Variants in TSHZ2 observed in about 807,000 individuals in gnomAD.
The protein encoded by TSHZ2 is teashirt homolog 2.
TSHZ2 carries 21 observed loss-of-function variants against 74.4 expected under a neutral mutation model. The observed-to-expected ratio is 0.28, with a 90% CI of 0.20 to 0.41. The LOEUF is 0.41. TSHZ2 is among the 10% of genes least tolerant of loss of function. The probability of loss-of-function intolerance (pLI) is 1.00; values close to 1 mark genes in which losing one functional copy is unlikely to be tolerated. For synonymous variants in TSHZ2, 540 were observed against 515.3 expected (o/e 1.05, Z -0.65); for missense variants, 1,244 against 1,293.5 (o/e 0.96, Z 0.59).
In TSHZ2 at chr20:53,254,219, G is replaced by T. The variant is rs370567982; in HGVS notation, c.761G>T (p.Ser254Ile). 1.9e-6 allele frequency: 3 copies of T among 1,614,020 alleles called. No homozygotes were observed. The African/African-American group carries it at 4.0e-5, about 22-fold the overall frequency. The change falls in exon 2 of 3, where the codon AGC (serine) becomes ATC (isoleucine). Residue 254 changes from serine (S) to isoleucine (I), a missense_variant. Ser to Ile is a moderately radical substitution (Grantham distance 142). Around this residue, in one of 6 missense-constraint regions of TSHZ2, gnomAD observed 470 missense variants for 456.5 expected, o/e 1.03. Transcript: ENST00000371497. ...AAAAAGGACAAGCTCAGACCCACGAGCTATTCAAAGCCCAGGAAAAGGGCT... is the reference window on the plus strand; with the variant it reads ...AAAAAGGACAAGCTCAGACCCACGATCTATTCAAAGCCCAGGAAAAGGGCT... Reference protein sequence around the residue: ...NRKKDKLRPTSYSKPRKRAFQ... With the variant: ...NRKKDKLRPTIYSKPRKRAFQ...
chr20:53,482,347 T>C (rs1364302546), intron 2 of TSHZ2, among the ~76,000 whole-genome samples: 1 of 152,172 alleles, frequency 6.6e-6, no homozygotes, highest in African/African-American at 2.4e-5. Flanking sequence ...AACTGCAGCA[T>C]TGTGAAGTTG....
At chr20:53,433,584 G>GACACACACACACACACACACACACACAC (rs59162370) in intron 2 of TSHZ2, among the ~76,000 whole-genome samples, 7 of 137,070 alleles carry the variant, frequency 5.1e-5, no homozygotes, top group South Asian at 2.4e-4. Flanking sequence ...CAGACACACA[G>GACACACACACACACACACACACACACAC]ACACACACAC....
chr20:53,462,491 C>T (rs1437761388), intron 2 of TSHZ2, among the ~76,000 whole-genome samples: 1 of 152,124 alleles, frequency 6.6e-6, no homozygotes, highest in Non-Finnish European at 1.5e-5. Flanking sequence ...GTTGTTATTC[C>T]TTTACCTTCC....
At chr20:53,452,590 C>T (rs1369232832) in intron 2 of TSHZ2, among the ~76,000 whole-genome samples, 1 of 120,394 alleles carries the variant, frequency 8.3e-6, no homozygotes, top group Non-Finnish European at 1.7e-5. Context: ...CACAGTGAGA[C>T]TCTGTCTCAA....
intron 1 of TSHZ2, chr20:53,168,621 G>A (rs1203794028): frequency 6.6e-6 from 1 of 152,186 alleles, no homozygotes; most frequent in Non-Finnish European, 1.5e-5. Flanking sequence ...GCTAGCTGGT[G>A]AAACAAACAG....
chr20:53,049,537 C>T (rs1305589829), intron 1 of TSHZ2, among the ~76,000 whole-genome samples: 5 of 152,262 alleles, frequency 3.3e-5, no homozygotes, highest in Middle Eastern at 3.4e-3. Context: ...ATTTTTCAGA[C>T]ATTTTATGTT....
chr20:53,314,894 T>A (rs1978937224), intron 2 of TSHZ2, among the ~76,000 whole-genome samples: 1 of 152,174 alleles, frequency 6.6e-6, no homozygotes, highest in Non-Finnish European at 1.5e-5. Context: ...AGTCCTGGGA[T>A]TACAGGCGTG....
At chr20:53,342,599 A>G (rs1427680383) in intron 2 of TSHZ2, among the ~76,000 whole-genome samples, 1 of 152,064 alleles carries the variant, frequency 6.6e-6, no homozygotes, top group African/African-American at 2.4e-5. Flanking sequence ...GTATTCTTTC[A>G]TCCTCATAAG....
intron 1 of TSHZ2, among the ~76,000 whole-genome samples, chr20:52,980,714 T>A (rs971186297): frequency 6.6e-6 from 1 of 152,236 alleles, no homozygotes; most frequent in Non-Finnish European, 1.5e-5. Flanking sequence ...TGAAAGAAAC[T>A]TCCGTAATGC....
intron 1 of TSHZ2, among the ~76,000 whole-genome samples, chr20:52,988,771 A>C (rs1341050598): frequency 6.6e-6 from 1 of 152,102 alleles, no homozygotes; most frequent in African/African-American, 2.4e-5. Context: ...GAAAACCCCC[A>C]ACACAGTCCA....
intron 1 of TSHZ2, among the ~76,000 whole-genome samples, chr20:53,169,876 T>C (rs1988153928): frequency 6.6e-6 from 1 of 152,216 alleles, no homozygotes; most frequent in Admixed American, 6.5e-5. Context: ...TACACAGTTA[T>C]GTAACCAATG....
At chr20:53,216,961 G>A (rs969365946) in intron 1 of TSHZ2, among the ~76,000 whole-genome samples, 4 of 152,156 alleles carry the variant, frequency 2.6e-5, no homozygotes, top group Non-Finnish European at 2.9e-5. Flanking sequence ...GTTGGAAACG[G>A]CCCATCCCCA....
At chr20:53,171,206 C>T (rs895365333) in intron 1 of TSHZ2, among the ~76,000 whole-genome samples, 2 of 152,194 alleles carry the variant, frequency 1.3e-5, no homozygotes, top group African/African-American at 4.8e-5. Context: ...TGCTCTCAAG[C>T]GTGTCCCCTT....
At chr20:53,180,054 C>T (rs145330946) in intron 1 of TSHZ2, among the ~76,000 whole-genome samples, 2 of 152,160 alleles carry the variant, frequency 1.3e-5, no homozygotes, top group East Asian at 1.9e-4. Context: ...TATAGAATGT[C>T]GAACCATTTT....
chr20:53,147,311 C>T (rs1322778389), intron 1 of TSHZ2, among the ~76,000 whole-genome samples: 2 of 152,136 alleles, frequency 1.3e-5, no homozygotes, highest in African/African-American at 4.8e-5. Context: ...TTCTTTTCAT[C>T]CCCTTTTCTT....
chr20:53,320,754 T>C (rs937590751), intron 2 of TSHZ2, among the ~76,000 whole-genome samples: 3 of 152,230 alleles, frequency 2.0e-5, no homozygotes, highest in Non-Finnish European at 4.4e-5. Flanking sequence ...CAACTACCTG[T>C]CTTCCTCCAG....
At chr20:53,111,924 A>G (rs1028477636) in intron 1 of TSHZ2, among the ~76,000 whole-genome samples, 1 of 152,094 alleles carries the variant, frequency 6.6e-6, no homozygotes, top group East Asian at 1.9e-4. Context: ...GATGGGCAAG[A>G]GGCCCCACCT....
At chr20:53,297,973 C>T (rs958845499) in intron 2 of TSHZ2, among the ~76,000 whole-genome samples, 1 of 152,212 alleles carries the variant, frequency 6.6e-6, no homozygotes, top group African/African-American at 2.4e-5. Flanking sequence ...TTATTCTCTC[C>T]TTTCCAGGTG....
At chr20:53,109,350 C>G (rs1007654718) in intron 1 of TSHZ2, among the ~76,000 whole-genome samples, 1 of 152,160 alleles carries the variant, frequency 6.6e-6, no homozygotes, top group Non-Finnish European at 1.5e-5. Flanking sequence ...ATCTGTCTGT[C>G]GGTCTCTCCG....
Sources: gnomAD v4.1 joint callset for allele counts (sites outside exome capture counted in the v4.1 genomes callset) on GRCh38, gnomAD v4.1.1 for gene constraint, gnomAD v4.1.1 regional missense constraint, MANE v1.5 for transcripts, NCBI Gene and HGNC (gene_info 2026-07-23, HGNC 2026-07-21) for gene names.